Variants in SHANK2 observed in about 807,000 individuals in gnomAD.
SHANK2 encodes SH3 and multiple ankyrin repeat domains 2, also known as SH3 and multiple ankyrin repeat domains protein 2.
In SHANK2, 43 loss-of-function variants were observed where a neutral mutation model predicts 133.7. The ratio of observed to expected loss-of-function variants is 0.32; its 90% CI spans 0.25 to 0.41. The LOEUF (loss-of-function observed/expected upper bound fraction) is 0.41, where lower values mean the gene tolerates loss of function less well. Among genes scored for constraint, SHANK2 ranks in the 10% least tolerant of loss-of-function variants. SHANK2 has a pLI of 1.00. For missense variants in SHANK2, 1,994 were observed against 2,235.8 expected (o/e 0.89, Z 2.18); for synonymous variants, 1,017 against 952.8 (o/e 1.07, Z -1.24).
chr11:70,712,737 A>C (rs1945818010), intron 14 of SHANK2, among the ~76,000 whole-genome samples: 2 of 152,206 alleles, frequency 1.3e-5, no homozygotes, highest in South Asian at 4.1e-4. Flanking sequence ...CTCGGCTAAA[A>C]GCGCCCAGCT....
At chr11:71,155,274 C>A (rs111725005) in intron 2 of SHANK2, among the ~76,000 whole-genome samples, 3 of 115,576 alleles carry the variant, frequency 2.6e-5, no homozygotes, top group African/African-American at 1.1e-4. Context: ...CCCCAGCCCA[C>A]GCTCCCAGAG....
chr11:70,624,532 C>CA (rs71049929), intron 17 of SHANK2, among the ~76,000 whole-genome samples: 25,322 of 138,084 alleles, frequency 0.18, 2,641 homozygotes, highest in Non-Finnish European at 0.26. Flanking sequence ...CAACCTTCTT[C>CA]AAAAAAAAAA....
chr11:70,811,689 A>G (rs1441929669), intron 12 of SHANK2, among the ~76,000 whole-genome samples: 1 of 150,290 alleles, frequency 6.7e-6, no homozygotes, highest in Non-Finnish European at 1.5e-5. Context: ...TTCATCCAAC[A>G]TCCATCTACC....
At chr11:70,634,417 T>C (rs548817804) in intron 17 of SHANK2, 1 of 152,254 alleles carries the variant, frequency 6.6e-6, no homozygotes, top group Non-Finnish European at 1.5e-5. Context: ...TTAAAACTTT[T>C]GTGCATCAAA....
rs1364919776 is a variant in SHANK2, at chr11:71,079,166, C to T, written c.913-3891G>A. ...GCACAGCATCCTTTCTAAGGCATTC[C>T]TGCCAAATGCATATGCTGGATCCCA... is the stretch of plus-strand genomic sequence containing the variant. On this transcript the variant is annotated intron_variant, in intron 8 of 25. Transcript: ENST00000601538. Among the ~76,000 whole-genome samples, 3 of 152,248 alleles carry T rather than the reference C, an allele frequency of 2.0e-5. No individual in the cohort carries two copies. The East Asian group carries it at 5.8e-4, about 29-fold the overall frequency.
Position 71,067,193 on chromosome 11 carries a change from G to A in SHANK2, c.1029+7966C>T, listed in dbSNP as rs36146282. Among the ~76,000 whole-genome samples, 958 of 152,252 alleles carry A rather than the reference G, an allele frequency of 6.3e-3. 8 individuals are homozygous for A. Among genetic ancestry groups the A allele is most frequent in the African/African-American group, 0.022 (896 of 41,524 alleles). On this transcript the variant is annotated intron_variant, in intron 9 of 25. Coordinates refer to ENST00000601538, the MANE Select transcript of SHANK2 (RefSeq NM_012309.5). ...GCCATCACCCCATGATGGCCCCATG[G>A]GAGCTGCCACAGCTCGGACAGGTTC...
intron 17 of SHANK2, among the ~76,000 whole-genome samples, chr11:70,594,029 TC>T (rs2060364406): frequency 1.3e-5 from 2 of 152,252 alleles, no homozygotes; most frequent in South Asian, 2.1e-4. Context: ...GGACCAGATG[TC>T]CTCCAGGGCC....
In SHANK2 at chr11:70,596,198, C is replaced by T. The variant is rs193217961; in HGVS notation, c.2061+63630G>A. ...TGATTTGTTTGGCAGCCCAGGCGAG[C>T]CCCCTTCCCCGCCTGCTCTGTGGGG... On this transcript the variant is annotated intron_variant, in intron 17 of 25. Coordinates refer to ENST00000601538, the MANE Select transcript of SHANK2 (RefSeq NM_012309.5). Among the ~76,000 whole-genome samples, 71 of 152,318 alleles carry T rather than the reference C, an allele frequency of 4.7e-4. 1 individual carries two copies. The highest frequency in any genetic ancestry group is 1.5e-3 in the African/African-American group (64 of 41,572).
intron 17 of SHANK2, among the ~76,000 whole-genome samples, chr11:70,657,555 G>C (rs758478354): frequency 1.4e-4 from 21 of 152,158 alleles, no homozygotes; most frequent in South Asian, 1.0e-3. Context: ...ATCGTGCAAG[G>C]GTCCAGCTGC....
At chr11:70,907,292 A>T (rs782164793) in intron 10 of SHANK2, among the ~76,000 whole-genome samples, 1 of 141,592 alleles carries the variant, frequency 7.1e-6, no homozygotes, top group African/African-American at 3.0e-5. Flanking sequence ...AGTCCCACAG[A>T]AGGTGGAGCA....
At chr11:70,825,780 T>TTC (rs1269100617) in intron 11 of SHANK2, among the ~76,000 whole-genome samples, 2 of 151,818 alleles carry the variant, frequency 1.3e-5, no homozygotes, top group Non-Finnish European at 2.9e-5. Flanking sequence ...ATGATGATTT[T>TTC]TTTTTGTGAA....
At chr11:70,576,895 C>T (rs1230061068) in intron 17 of SHANK2, among the ~76,000 whole-genome samples, 1 of 152,218 alleles carries the variant, frequency 6.6e-6, no homozygotes, top group Non-Finnish European at 1.5e-5. Context: ...GAGTCAGCAA[C>T]AAGGACACAG....
At chr11:71,168,480 G>C (rs11232380) in intron 2 of SHANK2, among the ~76,000 whole-genome samples, 1 of 151,928 alleles carries the variant, frequency 6.6e-6, no homozygotes, top group Non-Finnish European at 1.5e-5. Flanking sequence ...AGGCTGCTGG[G>C]AGGTGAAGGT....
intron 11 of SHANK2, among the ~76,000 whole-genome samples, chr11:70,867,134 A>AAAAAAT (rs1302560755): frequency 5.6e-4 from 81 of 144,816 alleles, no homozygotes; most frequent in African/African-American, 1.9e-3. Flanking sequence ...AAAAAAAAAA[A>AAAAAAT]GAGAGAGAGA....
chr11:71,083,569 C>G (rs1951329699), intron 8 of SHANK2, among the ~76,000 whole-genome samples: 1 of 152,154 alleles, frequency 6.6e-6, no homozygotes, highest in Non-Finnish European at 1.5e-5. Flanking sequence ...ATATGGCCAA[C>G]AGACAGCATG....
chr11:71,066,934 C>T (rs1029220396), intron 9 of SHANK2, among the ~76,000 whole-genome samples: 10 of 152,158 alleles, frequency 6.6e-5, no homozygotes, highest in Non-Finnish European at 1.2e-4. Context: ...CCAGTAGAGG[C>T]CCCTTCCCCA....
At chr11:70,898,271 T>C (rs1949967528) in intron 10 of SHANK2, among the ~76,000 whole-genome samples, 1 of 109,828 alleles carries the variant, frequency 9.1e-6, no homozygotes, top group Non-Finnish European at 1.9e-5. Flanking sequence ...TGGCCAAATA[T>C]ATACACACAC....
rs371422497 is a variant in SHANK2, at chr11:70,512,377, A to G, written c.2062-9446T>C. Among the ~76,000 whole-genome samples, 34 of 152,300 alleles carry G rather than the reference A, an allele frequency of 2.2e-4. No homozygotes were observed. The South Asian group carries it at 7.0e-3, about 32-fold the overall frequency. ...TTTTCCCAGTACCACCATCCTCTAG[A>G]TGTATTGATATCAAAATTTTAACTA... On this transcript the variant is annotated intron_variant, in intron 17 of 25. Coordinates refer to ENST00000601538, the MANE Select transcript of SHANK2 (RefSeq NM_012309.5).
rs566863970 is a variant in SHANK2 at position 71,141,295 on chromosome 11, C to T, written c.207+5825G>A. Reference sequence around the variant, plus strand: ...ATCACCTGAGGTCAGGCGTTCGAGACCAGCCTGGCCAACATGGTGAAACCC... The same window carrying T: ...ATCACCTGAGGTCAGGCGTTCGAGATCAGCCTGGCCAACATGGTGAAACCC... On this transcript the variant is annotated intron_variant, in intron 3 of 25. Coordinates refer to ENST00000601538, the MANE Select transcript of SHANK2 (RefSeq NM_012309.5). Among the ~76,000 whole-genome samples the T allele has an allele frequency of 5.3e-5, 8 of 152,004 alleles. No homozygotes were observed. In the East Asian group the frequency reaches 1.4e-3, roughly 26 times the overall value.
Sources: allele counts gnomAD v4.1 joint callset (sites outside exome capture counted in the v4.1 genomes callset), GRCh38; gene constraint gnomAD v4.1.1; transcripts MANE v1.5; gene names NCBI Gene and HGNC (gene_info 2026-07-23, HGNC 2026-07-21).